The following KCTD8 variants were observed in gnomAD, a reference collection of about 807,000 sequenced individuals.
The protein encoded by KCTD8 is potassium channel tetramerization domain containing 8, also known as BTB/POZ domain-containing protein KCTD8.
KCTD8 carries 27 observed loss-of-function variants against 31.5 expected under a neutral mutation model. That is an observed-to-expected ratio of 0.86 (90% confidence interval 0.63 to 1.18). KCTD8 has a LOEUF of 1.18. Ranked by LOEUF, KCTD8 falls within the 50% of genes most tolerant of loss-of-function variation. KCTD8 has a pLI of 0.00. For missense variants in KCTD8, 658 were observed against 647.7 expected (o/e 1.02, Z -0.17); for synonymous variants, 290 against 280.0 (o/e 1.04, Z -0.36).
intron 1 of KCTD8, among the ~76,000 whole-genome samples, chr4:44,347,635 T>C (rs1719068104): frequency 6.6e-6 from 1 of 152,196 alleles, no homozygotes; most frequent in Admixed American, 6.6e-5. Context: ...AAGTAAGTAA[T>C]GCATAATTTT....
intron 1 of KCTD8, among the ~76,000 whole-genome samples, chr4:44,331,512 C>T (rs938180766): frequency 4.6e-5 from 7 of 151,610 alleles, no homozygotes; most frequent in Admixed American, 4.0e-4. Flanking sequence ...AGGTTGTTAA[C>T]AAGAAGACAC....
intron 1 of KCTD8, among the ~76,000 whole-genome samples, chr4:44,337,015 G>A (rs553507018): frequency 6.6e-6 from 1 of 152,036 alleles, no homozygotes; most frequent in Admixed American, 6.6e-5. Flanking sequence ...GAGTAAATAT[G>A]TCTAAAAGGG....
chr4:44,355,203 T>C (rs1295874751), intron 1 of KCTD8, among the ~76,000 whole-genome samples: 1 of 152,176 alleles, frequency 6.6e-6, no homozygotes, highest in African/African-American at 2.4e-5. Context: ...CTTATTATTG[T>C]TGAAAGAGAA....
chr4:44,332,081 T>C (rs959452040), intron 1 of KCTD8, among the ~76,000 whole-genome samples: 2 of 151,912 alleles, frequency 1.3e-5, no homozygotes, highest in African/African-American at 4.8e-5. Context: ...AAATAAAGTT[T>C]AATGCAATAC....
intron 1 of KCTD8, 36 bp downstream of exon 1, chr4:44,447,527 G>C (rs1337953706): frequency 1.3e-6 from 2 of 1,499,064 alleles, no homozygotes; most frequent in Middle Eastern, 1.8e-4. Flanking sequence ...AGCAGGGGGC[G>C]AGGGGTGCTG....
chr4:44,423,901 G>A (rs1473052046), intron 1 of KCTD8, among the ~76,000 whole-genome samples: 1 of 152,064 alleles, frequency 6.6e-6, no homozygotes, highest in Non-Finnish European at 1.5e-5. Flanking sequence ...CATGTGACTT[G>A]ATTCTATAGT....
intron 1 of KCTD8, among the ~76,000 whole-genome samples, chr4:44,241,830 C>A (rs1438467341): frequency 6.6e-6 from 1 of 152,112 alleles, no homozygotes; most frequent in African/African-American, 2.4e-5. Context: ...TATAAAGTAA[C>A]CTGGTAATGA....
intron 1 of KCTD8, among the ~76,000 whole-genome samples, chr4:44,303,276 A>G (rs1256698331): frequency 6.6e-6 from 1 of 152,096 alleles, no homozygotes; most frequent in Non-Finnish European, 1.5e-5. Context: ...ATTGATTGGA[A>G]TAGTTTCAGA....
At chr4:44,340,898 T>C (rs894218572) in intron 1 of KCTD8, among the ~76,000 whole-genome samples, 3 of 152,014 alleles carry the variant, frequency 2.0e-5, no homozygotes, top group Admixed American at 2.0e-4. Flanking sequence ...TGATATGTTC[T>C]ACATTGTGAT....
intron 1 of KCTD8, among the ~76,000 whole-genome samples, chr4:44,306,287 GTCT>G (rs1046912903): frequency 2.0e-5 from 3 of 152,008 alleles, no homozygotes; most frequent in Non-Finnish European, 4.4e-5. Flanking sequence ...GCACTGTGCT[GTCT>G]TCTTAGTATG....
At chr4:44,316,144 TG>T in intron 1 of KCTD8, among the ~76,000 whole-genome samples, 1 of 152,254 alleles carries the variant, frequency 6.6e-6, no homozygotes, top group Non-Finnish European at 1.5e-5. Context: ...CAAATTTCCT[TG>T]ATTTTTTTCT....
At position 44,175,005 on chromosome 4, in the gene KCTD8, G is replaced by T. The variant is rs758208121; in HGVS notation, c.1207C>A (p.Pro403Thr). Reference sequence around the variant, plus strand: ...TCACTGTTTCTGCGTTTGTCTGGTGGGGGTATCCATTGTACAGGTGCTTTT... The same window carrying T: ...TCACTGTTTCTGCGTTTGTCTGGTGTGGGTATCCATTGTACAGGTGCTTTT... ...SKKAPVQWIP[P>T]PDKRRNSELF... is the part of the protein sequence containing the mutation. Residue 403 changes from proline (P) to threonine (T), a missense_variant, in exon 2 of 2, where the codon CCA (proline) becomes ACA (threonine). Pro to Thr is a conservative substitution (Grantham distance 38). Coordinates refer to ENST00000360029, the MANE Select transcript of KCTD8 (RefSeq NM_198353.3). 21 of 1,614,052 alleles carry T rather than the reference G, an allele frequency of 1.3e-5. No homozygotes were observed. The highest frequency in any genetic ancestry group is 7.7e-5 in the South Asian group (7 of 91,078).
At chr4:44,350,869 C>A (rs1719177664) in intron 1 of KCTD8, among the ~76,000 whole-genome samples, 1 of 152,096 alleles carries the variant, frequency 6.6e-6, no homozygotes. Flanking sequence ...TTCTTCATTT[C>A]TCCTCCTATG....
At chr4:44,370,550 G>T (rs1365155865) in intron 1 of KCTD8, among the ~76,000 whole-genome samples, 1 of 152,116 alleles carries the variant, frequency 6.6e-6, no homozygotes, top group Non-Finnish European at 1.5e-5. Context: ...AATATCCTTA[G>T]AATATTGCTT....
At chr4:44,354,102 T>G (rs574995973) in intron 1 of KCTD8, among the ~76,000 whole-genome samples, 3 of 152,324 alleles carry the variant, frequency 2.0e-5, no homozygotes, top group Middle Eastern at 3.4e-3. Flanking sequence ...TAGTTTTTTT[T>G]GCAATAACAT....
chr4:44,225,001 AG>A lies in KCTD8; in HGVS notation c.962-49752del, dbSNP rs535905960. 3.3e-5 allele frequency among the ~76,000 whole-genome samples: 5 copies of A among 152,236 alleles called. No individual in the cohort carries two copies. The South Asian group carries it at 1.0e-3, about 32-fold the overall frequency. On this transcript the variant is annotated intron_variant, in intron 1 of 1. Coordinates refer to ENST00000360029, the MANE Select transcript of KCTD8 (RefSeq NM_198353.3). ...AGTCATATGACCCCATACAATTTTA[AG>A]GGGGGTTGAGAAATATGATCCCTGT...
intron 1 of KCTD8, among the ~76,000 whole-genome samples, chr4:44,200,902 G>T (rs575406193): frequency 6.9e-6 from 1 of 144,910 alleles, no homozygotes; most frequent in Non-Finnish European, 1.5e-5. Flanking sequence ...TCTATACAGA[G>T]AAATCACTAA....
At chr4:44,271,234 TTA>T (rs1333000312) in intron 1 of KCTD8, among the ~76,000 whole-genome samples, 1 of 152,170 alleles carries the variant, frequency 6.6e-6, no homozygotes, top group Non-Finnish European at 1.5e-5. Flanking sequence ...ATCTTTTCAG[TTA>T]GGCTTCATCC....
chr4:44,294,578 C>A (rs185662605), intron 1 of KCTD8, among the ~76,000 whole-genome samples: 18 of 152,224 alleles, frequency 1.2e-4, no homozygotes, highest in Admixed American at 9.8e-4. Context: ...TTCATGAAAA[C>A]TGAAAAAAAT....
Sources: gnomAD v4.1 joint callset for allele counts (sites outside exome capture counted in the v4.1 genomes callset) on GRCh38, gnomAD v4.1.1 for gene constraint, MANE v1.5 for transcripts, NCBI Gene and HGNC (gene_info 2026-07-23, HGNC 2026-07-21) for gene names.